Variants in FARP1 observed in about 807,000 individuals in gnomAD.
FARP1 encodes the protein FERM, ARH/RhoGEF and pleckstrin domain protein 1.
In FARP1, 52 loss-of-function variants were observed where a neutral mutation model predicts 128.8. The ratio of observed to expected loss-of-function variants is 0.40; its 90% CI spans 0.32 to 0.51. The LOEUF is 0.51. Ranked by LOEUF, FARP1 falls within the 20% of genes least tolerant of loss-of-function variation. FARP1 has a pLI of 0.45. For missense variants in FARP1, 1,333 were observed against 1,367.9 expected, an observed-to-expected ratio of 0.97 and a Z score of 0.40; for synonymous variants, 580 against 551.8, an observed-to-expected ratio of 1.05 and a Z score of -0.72.
At chr13:98,186,417 A>G (rs1246527864) in intron 1 of FARP1, among the ~76,000 whole-genome samples, 1 of 151,830 alleles carries the variant, frequency 6.6e-6, no homozygotes, top group Non-Finnish European at 1.5e-5. Flanking sequence ...GCTCCAGAAC[A>G]TTTTCCATCT....
rs531704268 is a variant in FARP1, at chr13:98,210,689, A to G, written c.-23-2531A>G. Among the ~76,000 whole-genome samples the G allele has an allele frequency of 4.3e-4, 66 of 152,058 alleles. 4 individuals carry two copies. In the East Asian group the frequency reaches 0.012, roughly 29 times the overall value. On this transcript the variant is annotated intron_variant, in intron 1 of 26. Coordinates refer to ENST00000319562, the MANE Select transcript of FARP1 (RefSeq NM_005766.4). ...CTCAGCCTCCCGAGTAGCTGGGACTACAGGCGCCCGCCACCACGCCTGGCT... is the reference window on the plus strand; with the variant it reads ...CTCAGCCTCCCGAGTAGCTGGGACTGCAGGCGCCCGCCACCACGCCTGGCT...
chr13:98,337,473 A>G (rs1887791541), intron 2 of FARP1, among the ~76,000 whole-genome samples: 1 of 151,614 alleles, frequency 6.6e-6, no homozygotes, highest in Non-Finnish European at 1.5e-5. Context: ...ACTCACATAT[A>G]TGGGTTTTCA....
intron 2 of FARP1, chr13:98,244,619 T>A (rs372725491): frequency 1.0e-4 from 168 of 1,614,108 alleles, no homozygotes; most frequent in Non-Finnish European, 1.4e-4. Context: ...GAATTCTCAC[T>A]CATCTTACAG....
chr13:98,353,129 A>G (rs1888504156), intron 3 of FARP1, among the ~76,000 whole-genome samples: 1 of 152,178 alleles, frequency 6.6e-6, no homozygotes, highest in Non-Finnish European at 1.5e-5. Context: ...GCCATTCATG[A>G]GTCTCAAGGC....
chr13:98,367,916 A>G (rs137931843), intron 4 of FARP1, among the ~76,000 whole-genome samples: 6 of 152,332 alleles, frequency 3.9e-5, no homozygotes, highest in African/African-American at 1.2e-4. Flanking sequence ...TTTTTTAAAA[A>G]TGGATCTCTC....
At chr13:98,234,467 G>A (rs1400936882) in intron 2 of FARP1, 1 of 152,092 alleles carries the variant, frequency 6.6e-6, no homozygotes, top group South Asian at 2.1e-4. Flanking sequence ...ATTTTTAAAT[G>A]CTCAAAGAAC....
intron 2 of FARP1, among the ~76,000 whole-genome samples, chr13:98,224,462 G>A (rs1288718044): frequency 1.4e-5 from 2 of 143,582 alleles, no homozygotes; most frequent in African/African-American, 5.3e-5. Context: ...CAGAGGCGGA[G>A]CTTGCAGTGA....
rs368454317 is a variant in FARP1, at chr13:98,256,387, G to A, written c.171+42974G>A. 3.9e-5 allele frequency among the ~76,000 whole-genome samples: 6 copies of A among 152,220 alleles called. No homozygotes were observed. The East Asian group carries it at 9.6e-4, about 24-fold the overall frequency. On this transcript the variant is annotated intron_variant, in intron 2 of 26. Transcript: ENST00000319562. ...AGAATGGTGGTTATCAGAGGCAGGGGAGAGGGGAAAATGGGAGTCGTTTAA... is the reference window on the plus strand; with the variant it reads ...AGAATGGTGGTTATCAGAGGCAGGGAAGAGGGGAAAATGGGAGTCGTTTAA...
At chr13:98,361,084 C>T (rs1003072509) in intron 3 of FARP1, among the ~76,000 whole-genome samples, 13 of 152,224 alleles carry the variant, frequency 8.5e-5, no homozygotes, top group Non-Finnish European at 1.3e-4. Context: ...CCAGTGCTTT[C>T]ACTGCAGTTG....
At chr13:98,273,819 G>A (rs1169759957) in intron 2 of FARP1, among the ~76,000 whole-genome samples, 2 of 152,202 alleles carry the variant, frequency 1.3e-5, no homozygotes, top group Non-Finnish European at 2.9e-5. Context: ...AGAAGTTCAA[G>A]GTCACACAGT....
At chr13:98,265,387 TC>T (rs893475547) in intron 2 of FARP1, among the ~76,000 whole-genome samples, 1 of 130,814 alleles carries the variant, frequency 7.6e-6, no homozygotes, top group African/African-American at 2.9e-5. Flanking sequence ...TGGCGGGATC[TC>T]GGCTCACTGC....
chr13:98,189,630 G>A lies in FARP1; in HGVS notation c.-23-23590G>A, dbSNP rs550865130. ...CCCAATATGTATTCAAATTAAATAC[G>A]TATTCGAGAGGGAGAATATTTACTT... On this transcript the variant is annotated intron_variant, in intron 1 of 26. Coordinates refer to ENST00000319562, the MANE Select transcript of FARP1 (RefSeq NM_005766.4). Among the ~76,000 whole-genome samples, 120 of 152,280 alleles carry A rather than the reference G, an allele frequency of 7.9e-4. No individual in the cohort carries two copies. The Middle Eastern group carries it at 0.014, about 17-fold the overall frequency.
At chr13:98,211,027 C>A (rs1277145140) in intron 1 of FARP1, among the ~76,000 whole-genome samples, 1 of 152,194 alleles carries the variant, frequency 6.6e-6, no homozygotes, top group East Asian at 1.9e-4. Context: ...CCCTGCCCTC[C>A]CAACCCTCTT....
At chr13:98,433,843 C>CT (rs1892142886) in intron 18 of FARP1, 1 of 152,402 alleles carries the variant, frequency 6.6e-6, no homozygotes, top group South Asian at 2.1e-4. Context: ...CAGCTTGTGC[C>CT]TGGCACCTGA....
intron 2 of FARP1, among the ~76,000 whole-genome samples, chr13:98,278,992 AT>A (rs34010258): frequency 0.19 from 26,042 of 137,616 alleles, 2,396 homozygotes; most frequent in Non-Finnish European, 0.21. Flanking sequence ...CGCCCTGCTA[AT>A]TTTTTTTTTT....
chr13:98,245,543 C>G (rs1883006247), intron 2 of FARP1, among the ~76,000 whole-genome samples: 1 of 152,162 alleles, frequency 6.6e-6, no homozygotes, highest in African/African-American at 2.4e-5. Flanking sequence ...AAGCCTCCCC[C>G]AGTTTTCCTT....
At chr13:98,339,796 T>G (rs1476713868) in intron 2 of FARP1, among the ~76,000 whole-genome samples, 1 of 152,216 alleles carries the variant, frequency 6.6e-6, no homozygotes. Flanking sequence ...ACTTGTGATT[T>G]ATTAGCTAGA....
chr13:98,354,916 A>G (rs1331315013), intron 3 of FARP1, among the ~76,000 whole-genome samples: 2 of 152,236 alleles, frequency 1.3e-5, no homozygotes, highest in African/African-American at 2.4e-5. Context: ...TAATCTAAGT[A>G]TGAAATAGGT....
At chr13:98,444,125 C>G (rs929856555) in intron 24 of FARP1, among the ~76,000 whole-genome samples, 1 of 151,828 alleles carries the variant, frequency 6.6e-6, no homozygotes, top group Non-Finnish European at 1.5e-5. Context: ...GGGTCCCCGA[C>G]TCCACCCATG....
Sources: gnomAD v4.1 joint callset for allele counts (sites outside exome capture counted in the v4.1 genomes callset) on GRCh38, gnomAD v4.1.1 for gene constraint, MANE v1.5 for transcripts, NCBI Gene and HGNC (gene_info 2026-07-23, HGNC 2026-07-21) for gene names.